Variants in OPCML observed in about 807,000 individuals in gnomAD.
OPCML encodes the protein opioid binding protein/cell adhesion molecule like, also known as opioid-binding protein/cell adhesion molecule.
A neutral mutation model predicts 37.8 loss-of-function variants in OPCML; 13 were observed. The observed-to-expected ratio is 0.34, with a 90% CI of 0.22 to 0.55. The LOEUF is 0.55. OPCML is among the 20% of genes least tolerant of loss of function. The probability of loss-of-function intolerance (pLI) is 0.91; values close to 1 mark genes in which losing one functional copy is unlikely to be tolerated. For missense variants in OPCML, 341 were observed against 435.6 expected (o/e 0.78, Z 1.93); for synonymous variants, 176 against 168.8 (o/e 1.04, Z -0.33).
At chr11:133,317,628 A>G (rs1943236665) in intron 1 of OPCML, among the ~76,000 whole-genome samples, 1 of 152,198 alleles carries the variant, frequency 6.6e-6, no homozygotes, top group South Asian at 2.1e-4. Context: ...AGTATTTGTC[A>G]TATGTTTATG....
chr11:132,781,258 T>C (rs1947000236), intron 2 of OPCML, among the ~76,000 whole-genome samples: 1 of 152,008 alleles, frequency 6.6e-6, no homozygotes, highest in African/African-American at 2.4e-5. Context: ...GCAAAGTGAG[T>C]GCCCTGCCCC....
chr11:133,019,517 T>C (rs1345066500), intron 1 of OPCML, among the ~76,000 whole-genome samples: 2 of 152,250 alleles, frequency 1.3e-5, no homozygotes, highest in Non-Finnish European at 2.9e-5. Flanking sequence ...AATTATCATG[T>C]CTTCTTGTCC....
intron 1 of OPCML, among the ~76,000 whole-genome samples, chr11:133,256,237 CTGTT>C (rs1158320060): frequency 2.0e-5 from 3 of 152,320 alleles, no homozygotes; most frequent in East Asian, 1.9e-4. Context: ...ATGAACCCAA[CTGTT>C]TGGAGTTCAT....
At chr11:133,241,006 T>A (rs907319713) in intron 1 of OPCML, among the ~76,000 whole-genome samples, 1 of 152,224 alleles carries the variant, frequency 6.6e-6, no homozygotes, top group Non-Finnish European at 1.5e-5. Context: ...TTTATCTTAC[T>A]CGCCCTTAAA....
intron 3 of OPCML, among the ~76,000 whole-genome samples, chr11:132,626,212 G>A (rs1028042306): frequency 2.6e-5 from 4 of 151,488 alleles, no homozygotes; most frequent in Non-Finnish European, 5.9e-5. Context: ...GGGCATGGCT[G>A]GAACATTTTA....
At chr11:133,306,283 C>T (rs1016264928) in intron 1 of OPCML, among the ~76,000 whole-genome samples, 9 of 152,030 alleles carry the variant, frequency 5.9e-5, no homozygotes, top group Non-Finnish European at 1.3e-4. Context: ...ACCATAATGA[C>T]GCAGCAAAAT....
intron 1 of OPCML, among the ~76,000 whole-genome samples, chr11:132,997,586 C>A (rs1946910983): frequency 6.6e-6 from 1 of 152,158 alleles, no homozygotes; most frequent in African/African-American, 2.4e-5. Context: ...CATGTGCTCC[C>A]TAGGCAACAG....
At chr11:133,515,079 A>T (rs1948237372) in intron 1 of OPCML, among the ~76,000 whole-genome samples, 1 of 152,230 alleles carries the variant, frequency 6.6e-6, no homozygotes, top group African/African-American at 2.4e-5. Context: ...AAGAAGAAAA[A>T]TTTGATGACT....
intron 2 of OPCML, among the ~76,000 whole-genome samples, chr11:132,803,419 G>GAATACA (rs1341134414): frequency 2.0e-5 from 3 of 152,138 alleles, no homozygotes; most frequent in African/African-American, 4.8e-5. Flanking sequence ...GAATACAGTG[G>GAATACA]GTAAGGATGG....
chr11:132,813,223 T>C (rs916618657), intron 2 of OPCML, among the ~76,000 whole-genome samples: 8 of 152,212 alleles, frequency 5.3e-5, no homozygotes, highest in African/African-American at 1.9e-4. Flanking sequence ...TCAAAGATCA[T>C]GTCCATCTGC....
At chr11:132,955,701 G>A (rs1214473970) in intron 1 of OPCML, among the ~76,000 whole-genome samples, 3 of 152,060 alleles carry the variant, frequency 2.0e-5, no homozygotes, top group Admixed American at 6.5e-5. Flanking sequence ...GACCAACATG[G>A]TGAAACCCCA....
chr11:133,287,506 T>C (rs1452157504), intron 1 of OPCML, among the ~76,000 whole-genome samples: 2 of 143,102 alleles, frequency 1.4e-5, no homozygotes, highest in Non-Finnish European at 3.0e-5. Flanking sequence ...TAACTACAGA[T>C]ATTGACTCTG....
chr11:132,636,791 G>C (rs111526757), intron 3 of OPCML, among the ~76,000 whole-genome samples: 2 of 152,066 alleles, frequency 1.3e-5, no homozygotes, highest in East Asian at 1.9e-4. Context: ...TGGGAGGCTC[G>C]GGGATAGTTT....
At position 133,030,895 on chromosome 11, in the gene OPCML, T is replaced by C. The variant is rs200618679; in HGVS notation, c.62-87885A>G. 1.6e-3 allele frequency among the ~76,000 whole-genome samples: 245 copies of C among 152,038 alleles called. 1 individual carries two copies. The highest frequency in any genetic ancestry group is 5.2e-3 in the African/African-American group (214 of 41,456). ...TGCTCAGAGTTTGGACTTTTTTTTTTCCAAAGAAGGCATTATAACAATATA... is the reference window on the plus strand; with the variant it reads ...TGCTCAGAGTTTGGACTTTTTTTTTCCCAAAGAAGGCATTATAACAATATA... On this transcript the variant is annotated intron_variant, in intron 1 of 7. Transcript: ENST00000524381.
At chr11:133,071,500 T>G (rs1442463065) in intron 1 of OPCML, among the ~76,000 whole-genome samples, 1 of 152,164 alleles carries the variant, frequency 6.6e-6, no homozygotes, top group East Asian at 1.9e-4. Flanking sequence ...AAAGTGCAAA[T>G]TTTGTCAAAG....
intron 1 of OPCML, among the ~76,000 whole-genome samples, chr11:133,510,402 A>G (rs1000673468): frequency 2.0e-5 from 3 of 152,152 alleles, no homozygotes; most frequent in Admixed American, 2.0e-4. Context: ...AAATCAGTTT[A>G]CTTCCACACC....
intron 2 of OPCML, among the ~76,000 whole-genome samples, chr11:132,932,691 TTATATATA>T (rs3077742): frequency 4.2e-5 from 6 of 143,662 alleles, no homozygotes; most frequent in Admixed American, 3.5e-4. Context: ...TATATATATA[TTATATATA>T]TATATATATA....
intron 1 of OPCML, among the ~76,000 whole-genome samples, chr11:133,268,001 T>G (rs766088698): frequency 6.6e-6 from 1 of 152,216 alleles, no homozygotes; most frequent in Non-Finnish European, 1.5e-5. Context: ...AATATACTCC[T>G]TCTCTAGTTC....
intron 1 of OPCML, among the ~76,000 whole-genome samples, chr11:133,062,041 A>C (rs1293713656): frequency 6.6e-6 from 1 of 152,168 alleles, no homozygotes; most frequent in Non-Finnish European, 1.5e-5. Context: ...ACTGGGTGTA[A>C]AGACACCTTT....
Sources: gnomAD v4.1 joint callset for allele counts (sites outside exome capture counted in the v4.1 genomes callset) on GRCh38, gnomAD v4.1.1 for gene constraint, MANE v1.5 for transcripts, NCBI Gene and HGNC (gene_info 2026-07-23, HGNC 2026-07-21) for gene names.